ANO4: variants seen among roughly 807,000 people sequenced by gnomAD.
The protein encoded by ANO4 is anoctamin-4.
Under a neutral mutation model 141.9 loss-of-function variants are expected in ANO4, and 69 were observed. That is an observed-to-expected ratio of 0.49 (90% CI 0.40 to 0.59). The LOEUF is 0.59. ANO4 is among the 20% of genes least tolerant of loss of function. The pLI is 0.00. For missense variants in ANO4, 894 were observed against 1,162.2 expected, an observed-to-expected ratio of 0.77 and a Z score of 3.36; for synonymous variants, 350 against 394.3, an observed-to-expected ratio of 0.89 and a Z score of 1.33.
intron 1 of ANO4, among the ~76,000 whole-genome samples, chr12:100,856,894 T>A (rs2038202617): frequency 1.3e-5 from 2 of 152,130 alleles, no homozygotes; most frequent in Non-Finnish European, 2.9e-5. Flanking sequence ...TTAAAATATT[T>A]AAGAGGGAAA....
chr12:100,732,509 A>C (rs981842431), intron 1 of ANO4, among the ~76,000 whole-genome samples: 1 of 152,048 alleles, frequency 6.6e-6, no homozygotes, highest in African/African-American at 2.4e-5. Flanking sequence ...ATTTTCTCCC[A>C]GTTTGTGCCC....
At chr12:101,069,602 C>T (rs2048728301) in intron 14 of ANO4, among the ~76,000 whole-genome samples, 1 of 152,152 alleles carries the variant, frequency 6.6e-6, no homozygotes, top group Middle Eastern at 3.2e-3. Flanking sequence ...AGGGAGGTGC[C>T]AGTTACAGCA....
intron 7 of ANO4, among the ~76,000 whole-genome samples, chr12:100,979,729 T>C (rs936003592): frequency 1.3e-5 from 2 of 151,332 alleles, no homozygotes; most frequent in Admixed American, 1.3e-4. Context: ...TTCTTTCTTT[T>C]ATTTATTTTT....
intron 2 of ANO4, among the ~76,000 whole-genome samples, chr12:100,913,568 G>C (rs2041207272): frequency 6.6e-6 from 1 of 152,068 alleles, no homozygotes; most frequent in South Asian, 2.1e-4. Context: ...TTTTATCATA[G>C]GTATGTATGT....
At chr12:100,943,026 T>G (rs2136180540) in intron 5 of ANO4, among the ~76,000 whole-genome samples, 1 of 152,280 alleles carries the variant, frequency 6.6e-6, no homozygotes, top group African/African-American at 2.4e-5. Flanking sequence ...TAAGAGACAT[T>G]CAGGCTATTT....
chr12:100,746,726 A>G (rs998976117), intron 3 of ANO4, among the ~76,000 whole-genome samples: 10 of 152,210 alleles, frequency 6.6e-5, no homozygotes, highest in Admixed American at 6.5e-4. Context: ...TTCACTGTCA[A>G]TTCTTAACTC....
At chr12:100,717,423 A>C (rs1193383178), upstream of ANO4, 41 of 387,462 alleles carry the variant, frequency 1.1e-4, 2 homozygotes, top group Non-Finnish European at 1.6e-4. Context: ...GCGCCGCTAG[A>C]GCCAAGCGCA....
chr12:100,999,065 C>T (rs1195467458), intron 8 of ANO4, among the ~76,000 whole-genome samples: 2 of 152,174 alleles, frequency 1.3e-5, no homozygotes, highest in Non-Finnish European at 2.9e-5. Flanking sequence ...ATTCTGGCCC[C>T]AGTCTTATCT....
At chr12:101,021,200 G>A (rs1252373428) in intron 9 of ANO4, among the ~76,000 whole-genome samples, 1 of 152,150 alleles carries the variant, frequency 6.6e-6, no homozygotes, top group Non-Finnish European at 1.5e-5. Context: ...AAGCTGCCTC[G>A]AGTGGCTCCA....
At position 100,961,882 on chromosome 12, in the gene ANO4, ATAACT is replaced by A. The variant is rs1339788111; in HGVS notation, c.457-9421_457-9417del. On this transcript the variant is annotated intron_variant, in intron 5 of 27. Transcript: ENST00000392977. ...TTTGGGGGTTATTAGTTGCTGCAACATAACTTAGCCCATCCTGACTGCTACACTAA... is the reference window on the plus strand; with the variant it reads ...TTTGGGGGTTATTAGTTGCTGCAACATAGCCCATCCTGACTGCTACACTAA... 5.9e-5 allele frequency among the ~76,000 whole-genome samples: 9 copies of A among 152,202 alleles called. No individual in the cohort carries two copies. In the East Asian group the frequency reaches 1.5e-3, roughly 26 times the overall value.
intron 14 of ANO4, among the ~76,000 whole-genome samples, chr12:101,057,624 G>C (rs895572542): frequency 1.3e-5 from 2 of 152,164 alleles, no homozygotes; most frequent in Non-Finnish European, 2.9e-5. Context: ...GTGATGATGA[G>C]CTTTTTTTCA....
intron 1 of ANO4, among the ~76,000 whole-genome samples, chr12:100,873,633 T>A (rs1220558375): frequency 6.6e-6 from 1 of 152,148 alleles, no homozygotes; most frequent in Non-Finnish European, 1.5e-5. Flanking sequence ...ATATTTATAT[T>A]TGTGAGCCAA....
At chr12:101,095,336 G>C (rs764266404) in intron 18 of ANO4, among the ~76,000 whole-genome samples, 2 of 152,180 alleles carry the variant, frequency 1.3e-5, no homozygotes, top group Non-Finnish European at 2.9e-5. Context: ...CCCATTGGTA[G>C]ACAATGTACC....
intron 1 of ANO4, among the ~76,000 whole-genome samples, chr12:100,889,789 TG>T (rs1397518594): frequency 1.3e-5 from 2 of 152,286 alleles, no homozygotes; most frequent in Middle Eastern, 3.4e-3. Flanking sequence ...ACACTGTTGG[TG>T]GGATGTAAAC....
At chr12:100,998,379 TTATCTATCTATCTATC>T (rs5800449) in intron 8 of ANO4, among the ~76,000 whole-genome samples, 2 of 148,766 alleles carry the variant, frequency 1.3e-5, no homozygotes, top group African/African-American at 5.0e-5. Flanking sequence ...AAACTCCCCT[TTATCTATCTATCTATC>T]TATCTATCTA....
At chr12:100,925,867 A>ATG (rs2041851925) in intron 3 of ANO4, among the ~76,000 whole-genome samples, 1 of 151,260 alleles carries the variant, frequency 6.6e-6, no homozygotes. Context: ...ATATATATAT[A>ATG]TATGAGACCT....
At chr12:100,783,559 A>C (rs901105153) in intron 3 of ANO4, among the ~76,000 whole-genome samples, 17 of 152,162 alleles carry the variant, frequency 1.1e-4, no homozygotes, top group African/African-American at 3.9e-4. Flanking sequence ...CTTATCGGTT[A>C]TACCAGTCAG....
chr12:100,727,809 A>G lies in ANO4; in HGVS notation c.23-5965A>G, dbSNP rs2031195925. ...TATATTCCTTCTCCCACTGTTCCTC[A>G]CCACCCTACCCCATCCTTACCCCTT... On this transcript the variant is annotated intron_variant, in intron 1 of 29. Coordinates refer to the ANO4 transcript ENST00000644049. Among the ~76,000 whole-genome samples the G allele has an allele frequency of 2.0e-5, 3 of 151,890 alleles. No homozygotes were observed. In the South Asian group the frequency reaches 6.2e-4, roughly 31 times the overall value.
At chr12:101,016,068 GGCAAGA>G (rs2046303388) in intron 8 of ANO4, among the ~76,000 whole-genome samples, 1 of 152,174 alleles carries the variant, frequency 6.6e-6, no homozygotes, top group East Asian at 1.9e-4. Context: ...TAGAAGAGAT[GGCAAGA>G]GCAAGAGCAG....
Sources: gnomAD v4.1 joint callset for allele counts (sites outside exome capture counted in the v4.1 genomes callset) on GRCh38, gnomAD v4.1.1 for gene constraint, MANE v1.5 for transcripts, NCBI Gene and HGNC (gene_info 2026-07-23, HGNC 2026-07-21) for gene names.